DLGAP2: variants seen among roughly 807,000 people sequenced by gnomAD.
DLGAP2 encodes the protein disks large-associated protein 2.
Under a neutral mutation model 100.3 loss-of-function variants are expected in DLGAP2, and 26 were observed. The ratio of observed to expected loss-of-function variants is 0.26; its 90% CI spans 0.19 to 0.36. DLGAP2 has a LOEUF of 0.36. Among genes scored for constraint, DLGAP2 ranks in the 10% least tolerant of loss-of-function variants. DLGAP2 has a pLI of 1.00. For synonymous variants in DLGAP2, 886 were observed against 630.1 expected, an observed-to-expected ratio of 1.41 and a Z score of -6.08; for missense variants, 1,858 against 1,453.2, an observed-to-expected ratio of 1.28 and a Z score of -4.53.
At chr8:789,014 C>G (rs939972083) in intron 1 of DLGAP2, among the ~76,000 whole-genome samples, 1 of 152,164 alleles carries the variant, frequency 6.6e-6, no homozygotes, top group Non-Finnish European at 1.5e-5. Flanking sequence ...AGTGACTGTT[C>G]AAGGTTTTGC....
chr8:962,959 G>T (rs1255069565), intron 2 of DLGAP2, among the ~76,000 whole-genome samples: 6 of 152,222 alleles, frequency 3.9e-5, no homozygotes, highest in Admixed American at 3.9e-4. Flanking sequence ...TCAGGAGGCA[G>T]GTCTTAGGTT....
chr8:1,641,315 T>G (rs1411080037), intron 8 of DLGAP2, among the ~76,000 whole-genome samples: 4 of 152,164 alleles, frequency 2.6e-5, no homozygotes, highest in African/African-American at 9.7e-5. Flanking sequence ...CATAAAGATT[T>G]TCCCCAAGTG....
chr8:1,422,524 A>G (rs1797121979), intron 3 of DLGAP2, among the ~76,000 whole-genome samples: 1 of 151,360 alleles, frequency 6.6e-6, no homozygotes, highest in Non-Finnish European at 1.5e-5. Context: ...GATCCCATGA[A>G]GGCAGAAGAG....
intron 3 of DLGAP2, among the ~76,000 whole-genome samples, chr8:1,423,017 C>G (rs1797141843): frequency 6.6e-6 from 1 of 152,118 alleles, no homozygotes; most frequent in South Asian, 2.1e-4. Flanking sequence ...TTGAGCACAT[C>G]AGGATACATG....
At chr8:1,389,113 G>A (rs549207358) in intron 3 of DLGAP2, among the ~76,000 whole-genome samples, 1 of 152,284 alleles carries the variant, frequency 6.6e-6, no homozygotes, top group South Asian at 2.1e-4. Flanking sequence ...TGAGAGCAGA[G>A]GCTGCAGGTG....
At chr8:1,596,713 T>C (rs760268119) in intron 6 of DLGAP2, among the ~76,000 whole-genome samples, 11 of 152,224 alleles carry the variant, frequency 7.2e-5, no homozygotes, top group Non-Finnish European at 1.2e-4. Flanking sequence ...CACTTTATGA[T>C]TGGGTTGTTA....
At chr8:794,304 G>C (rs951304812) in intron 1 of DLGAP2, among the ~76,000 whole-genome samples, 9 of 152,068 alleles carry the variant, frequency 5.9e-5, no homozygotes, top group Non-Finnish European at 4.4e-5. Context: ...CCCTAACCCA[G>C]TGGTGCTAGA....
intron 2 of DLGAP2, among the ~76,000 whole-genome samples, chr8:1,191,376 T>G (rs547258664): frequency 6.6e-6 from 1 of 152,120 alleles, no homozygotes; most frequent in African/African-American, 2.4e-5. Context: ...TTCACCGTGT[T>G]AGCCAGGATG....
chr8:868,107 A>G (rs1018924170), intron 1 of DLGAP2, among the ~76,000 whole-genome samples: 2 of 152,204 alleles, frequency 1.3e-5, no homozygotes, highest in African/African-American at 4.8e-5. Flanking sequence ...ATTAAAAATG[A>G]TGTTGCATTT....
intron 2 of DLGAP2, among the ~76,000 whole-genome samples, chr8:937,327 ATGTTT>A (rs1799094891): frequency 6.6e-6 from 1 of 152,186 alleles, no homozygotes; most frequent in Non-Finnish European, 1.5e-5. Flanking sequence ...AACAAGAGTG[ATGTTT>A]TAAGTTTTTC....
intron 2 of DLGAP2, among the ~76,000 whole-genome samples, chr8:1,098,953 C>T (rs901671248): frequency 3.3e-5 from 5 of 152,136 alleles, no homozygotes; most frequent in Non-Finnish European, 4.4e-5. Context: ...CTAAATGGTG[C>T]CTGGGAGGTG....
Position 1,174,267 on chromosome 8 carries a change from C to CCAT in DLGAP2, c.74-84581_74-84579dup, listed in dbSNP as rs200430235. On this transcript the variant is annotated intron_variant, in intron 2 of 14. Transcript: ENST00000637795. Reference sequence around the variant, plus strand: ...AAGTCTACCCACATACCCATCACCACCATCACCACCATCATCACCACCATC... The same window carrying CCAT: ...AAGTCTACCCACATACCCATCACCACCATCATCACCACCATCATCACCACCATC... Among the ~76,000 whole-genome samples, 1,183 of 152,176 alleles carry CCAT rather than the reference C, an allele frequency of 7.8e-3. 8 individuals carry two copies. Among genetic ancestry groups the CCAT allele is most frequent in the African/African-American group, 0.027 (1,129 of 41,466 alleles).
At chr8:1,128,073 GGTGTTGTGTTCCATGAGGACCTGCTCCCC>G (rs1796208545) in intron 2 of DLGAP2, among the ~76,000 whole-genome samples, 3 of 152,146 alleles carry the variant, frequency 2.0e-5, no homozygotes, top group East Asian at 3.9e-4. Flanking sequence ...ACCATATCCC[GGTGTTGTGTTCCATGAGGACCTGCTCCCC>G]GTGTTGTGTT....
Position 1,668,480 on chromosome 8 carries a change from C to T in DLGAP2, c.1962C>T (p.Pro654=), listed in dbSNP as rs768458115. ...GCGCACAGAGGATGTCCCCGTGGCC[C>T]CAGGACAGCCGCGGCCTCTACAACT... is the stretch of plus-strand genomic sequence containing the variant. ...DSRAQRMSPW[P]QDSRGLYNST... The change falls in exon 9 of 15, where the codon CCC becomes CCT. Residue 654 remains proline (P), a synonymous_variant. Transcript: ENST00000637795. The T allele has an allele frequency of 1.3e-6, 2 of 1,593,708 alleles. No individual in the cohort carries two copies. The highest frequency in any genetic ancestry group is 1.1e-5 in the South Asian group (1 of 87,672).
chr8:1,207,345 T>C (rs7831288), intron 2 of DLGAP2, among the ~76,000 whole-genome samples: 81,265 of 152,094 alleles, frequency 0.53, 23,401 homozygotes, highest in African/African-American at 0.76. Context: ...TTTTCCATTC[T>C]TGTGTTACTT....
intron 1 of DLGAP2, among the ~76,000 whole-genome samples, chr8:745,817 A>C (rs1480551232): frequency 2.0e-5 from 3 of 152,258 alleles, no homozygotes; most frequent in Non-Finnish European, 4.4e-5. Flanking sequence ...ACTATAAGAC[A>C]GTATGAATAC....
At chr8:1,539,455 A>C (rs914771838) in intron 4 of DLGAP2, among the ~76,000 whole-genome samples, 5 of 152,062 alleles carry the variant, frequency 3.3e-5, no homozygotes, top group African/African-American at 1.2e-4. Flanking sequence ...GTGCACTGGG[A>C]GATAACAAGC....
intron 3 of DLGAP2, among the ~76,000 whole-genome samples, chr8:1,389,858 T>G (rs1417506958): frequency 6.6e-6 from 1 of 151,942 alleles, no homozygotes; most frequent in African/African-American, 2.4e-5. Context: ...ATCTGCCTTT[T>G]CATGAAAATT....
At chr8:1,012,693 C>A (rs1584974221) in intron 2 of DLGAP2, among the ~76,000 whole-genome samples, 1 of 138,896 alleles carries the variant, frequency 7.2e-6, no homozygotes, top group East Asian at 2.2e-4. Context: ...CCGACCAGTC[C>A]CCCCTACTTC....
Sources: gnomAD v4.1 joint callset for allele counts (sites outside exome capture counted in the v4.1 genomes callset) on GRCh38, gnomAD v4.1.1 for gene constraint, MANE v1.5 for transcripts, NCBI Gene and HGNC (gene_info 2026-07-23, HGNC 2026-07-21) for gene names.